Variants in ZMAT1 observed in about 807,000 individuals in gnomAD.
ZMAT1 encodes zinc finger matrin-type protein 1.
ZMAT1 carries 11 observed loss-of-function variants against 18.5 expected under a neutral mutation model. The observed-to-expected ratio is 0.59, with a 90% confidence interval of 0.37 to 0.98. ZMAT1 has a LOEUF of 0.98. Ranked by LOEUF, ZMAT1 falls within the 50% of genes least tolerant of loss-of-function variation. The pLI is 0.01. For synonymous variants in ZMAT1, 211 were observed against 176.4 expected, an observed-to-expected ratio of 1.20 and a Z score of -1.55; for missense variants, 525 against 496.2, an observed-to-expected ratio of 1.06 and a Z score of -0.55.
chrX:101,897,854 G>A lies in ZMAT1; in HGVS notation c.676+14C>T, dbSNP rs377126814. ...GATCCTGCATTGAAGATCAAGAGGTGAATGGAACCTTACCCATCTCTGGTT... is the reference window on the plus strand; with the variant it reads ...GATCCTGCATTGAAGATCAAGAGGTAAATGGAACCTTACCCATCTCTGGTT... On this transcript the variant is annotated intron_variant, in intron 4 of 5. Coordinates refer to ENST00000651725, the MANE Select transcript of ZMAT1 (RefSeq NM_001394560.1). 5 of 1,201,371 alleles carry A rather than the reference G, an allele frequency of 4.2e-6. No individual in the cohort carries two copies. In the African/African-American group the frequency reaches 8.8e-5, roughly 21 times the overall value.
intron 2 of ZMAT1, among the ~76,000 whole-genome samples, chrX:101,901,593 A>C (rs1189682786): frequency 9.0e-6 from 1 of 111,562 alleles, no homozygotes; most frequent in Non-Finnish European, 1.9e-5. Context: ...AAGAGGTAAA[A>C]TTTTACAGAT....
intron 4 of ZMAT1, among the ~76,000 whole-genome samples, chrX:101,891,875 T>G (rs890502842): frequency 4.5e-5 from 5 of 110,879 alleles, no homozygotes; most frequent in African/African-American, 1.6e-4. Context: ...AAATAATAAG[T>G]GGAGACAGTA....
rs1175464785 is a variant in ZMAT1, at chrX:101,900,843, ATGG to A, written c.400-2626_400-2624del. On this transcript the variant is annotated intron_variant, in intron 2 of 5. Coordinates refer to ENST00000651725, the MANE Select transcript of ZMAT1 (RefSeq NM_001394560.1). The stretch of plus-strand genomic sequence containing the variant: ...GTTTTTTATAATTCCGTGAAGAATG[ATGG>A]TGGTATTTTGATGGGGATTGCACTG... Among the ~76,000 whole-genome samples, 7 of 111,336 alleles carry A rather than the reference ATGG, an allele frequency of 6.3e-5. No homozygotes were observed. The East Asian group carries it at 2.0e-3, about 31-fold the overall frequency.
At position 101,904,278 on chromosome X, in the gene ZMAT1, A is replaced by G. The variant is rs1386168735; in HGVS notation, c.345T>C (p.Cys115=). 1 of 1,208,993 alleles carries G rather than the reference A, an allele frequency of 8.3e-7. No homozygotes were observed. Among genetic ancestry groups the G allele is most frequent in the Admixed American group, 2.2e-5 (1 of 45,593 alleles). Residue 115 remains cysteine (C), a synonymous_variant, in exon 2 of 6, where the codon TGT becomes TGC. Coordinates refer to ENST00000651725, the MANE Select transcript of ZMAT1 (RefSeq NM_001394560.1). ...EKAELFTDKF[C]QVCGVMLQFE... ...ACTGTAGCATCACTCCACATACTTGACAAAACTTATCTGTAAAAAGTTCAG... is the reference window on the plus strand; with the variant it reads ...ACTGTAGCATCACTCCACATACTTGGCAAAACTTATCTGTAAAAAGTTCAG...
At chrX:101,901,996 G>T (rs1200894909) in intron 2 of ZMAT1, among the ~76,000 whole-genome samples, 1 of 111,815 alleles carries the variant, frequency 8.9e-6, no homozygotes, top group Non-Finnish European at 1.9e-5. Context: ...ATGTTCAAAA[G>T]TTCCTTTAGA....
chrX:101,883,850 T>C lies in ZMAT1; in HGVS notation c.1748A>G (p.Asn583Ser), dbSNP rs772750912. The part of the protein sequence containing the change: ...EVYKHLSSEN[N>S]TADHQAGHKR... ...ATGACCTGCTTGATGGTCAGCAGTA[T>C]TGTTTTCTGAAGAGAGGTGCTTGTA... is the stretch of plus-strand genomic sequence containing the variant. Residue 583 changes from asparagine to serine, a missense_variant, in exon 6 of 6, where the codon AAT becomes AGT. By Grantham distance (46) the Asn-to-Ser change is conservative. Transcript: ENST00000651725. 8 of 1,208,431 alleles carry C rather than the reference T, an allele frequency of 6.6e-6. No homozygotes were observed. The highest frequency in any genetic ancestry group is 7.8e-6 in the Non-Finnish European group (7 of 894,722).
rs1055030753 is a variant in ZMAT1 at position 101,909,470 on chromosome X, G to T, written c.293-5140C>A. 4.5e-5 allele frequency among the ~76,000 whole-genome samples: 5 copies of T among 111,899 alleles called. No individual in the cohort carries two copies. The East Asian group carries it at 1.4e-3, about 32-fold the overall frequency. ...GGGTAGGGCATCAAGCGGGCTCCTGGGGTCCCTGATTCTAGAGTTGACTGT... is the reference window on the plus strand; with the variant it reads ...GGGTAGGGCATCAAGCGGGCTCCTGTGGTCCCTGATTCTAGAGTTGACTGT... On this transcript the variant is annotated intron_variant, in intron 1 of 5. Coordinates refer to ENST00000651725, the MANE Select transcript of ZMAT1 (RefSeq NM_001394560.1).
chrX:101,915,209 C>T (rs1209136221), intron 1 of ZMAT1, among the ~76,000 whole-genome samples: 1 of 111,441 alleles, frequency 9.0e-6, no homozygotes, highest in Non-Finnish European at 1.9e-5. Context: ...CCTTATACTA[C>T]AGACCCACAG....
At chrX:101,907,916 G>C (rs1176707130) in intron 1 of ZMAT1, among the ~76,000 whole-genome samples, 1 of 111,388 alleles carries the variant, frequency 9.0e-6, no homozygotes, top group Non-Finnish European at 1.9e-5. Context: ...AAACAGAGCA[G>C]GAGTACCTAT....
At position 101,931,702 on chromosome X, in the gene ZMAT1, G is replaced by A. The variant is rs1160299609; in HGVS notation, c.292+15C>T. On this transcript the variant is annotated intron_variant, in intron 1 of 5. Transcript: ENST00000651725. ...GGAGATGGGGCCGCCCCCGCACCCCGGGACGGGAACTCACCTTCTCTGAGG... is the reference window on the plus strand; with the variant it reads ...GGAGATGGGGCCGCCCCCGCACCCCAGGACGGGAACTCACCTTCTCTGAGG... 12 of 756,973 alleles carry A rather than the reference G, an allele frequency of 1.6e-5. No individual in the cohort carries two copies. The highest frequency in any genetic ancestry group is 2.3e-5 in the African/African-American group (1 of 43,458). 62.4% of individuals were successfully genotyped at this position (756,973 alleles called of 1,213,427 possible). A position where few individuals can be genotyped will look rare whatever the true frequency, so the allele number is the denominator to read the frequency against.
chrX:101,911,666 T>G, intron 1 of ZMAT1: 1 of 1,206,771 alleles, frequency 8.3e-7, no homozygotes. Context: ...GCCCTACGAA[T>G]GCAACCAGTG....
chrX:101,890,016 CCTATT>C (rs952770227), intron 4 of ZMAT1: 10 of 111,941 alleles, frequency 8.9e-5, no homozygotes, highest in Non-Finnish European at 1.7e-4. Context: ...TTGTTACAAA[CCTATT>C]CTGTGATGGG....
chrX:101,907,549 T>C (rs1032900904), intron 1 of ZMAT1, among the ~76,000 whole-genome samples: 3 of 112,199 alleles, frequency 2.7e-5, no homozygotes, highest in African/African-American at 9.7e-5. Context: ...CCAAGAGACA[T>C]AGCACCACCA....
chrX:101,888,011 G>C (rs768131663), intron 4 of ZMAT1: 2 of 111,353 alleles, frequency 1.8e-5, no homozygotes, highest in Non-Finnish European at 3.8e-5. Context: ...AGACTTCTTT[G>C]ATAAAAATCA....
intron 1 of ZMAT1, chrX:101,918,722 T>G (rs955523802): frequency 2.7e-5 from 3 of 111,569 alleles, no homozygotes; most frequent in Admixed American, 9.5e-5. Context: ...ACCATTTCTT[T>G]TAAGGAAACA....
chrX:101,887,006 C>T (rs1927007481), intron 4 of ZMAT1: 3 of 195,243 alleles, frequency 1.5e-5, no homozygotes, highest in Admixed American at 1.4e-4. Context: ...TAAGAATCTG[C>T]TATCTGTCTA....
chrX:101,890,727 C>T (rs1025318496), intron 4 of ZMAT1, among the ~76,000 whole-genome samples: 3 of 110,355 alleles, frequency 2.7e-5, no homozygotes, highest in South Asian at 3.9e-4. Flanking sequence ...CAGCATAATA[C>T]GGGGGTCTGA....
chrX:101,882,344 T>G lies in ZMAT1; in HGVS notation c.*1166A>C, dbSNP rs1222002353. 1 of 111,908 alleles carries G rather than the reference T, an allele frequency of 8.9e-6. No homozygotes were observed. The highest frequency in any genetic ancestry group is 1.9e-5 in the Non-Finnish European group (1 of 53,002). The allele number at this position is 111,908 out of a possible 1,213,427, so 9.2% of individuals were successfully genotyped here. ...TTCCAGAATATAGACTGACCTTATATCAGTACTTTTTGAGACCGTTTTAAA... is the reference window on the plus strand; with the variant it reads ...TTCCAGAATATAGACTGACCTTATAGCAGTACTTTTTGAGACCGTTTTAAA... On this transcript the variant is annotated 3_prime_UTR_variant, in exon 6 of 6. Coordinates refer to ENST00000651725, the MANE Select transcript of ZMAT1 (RefSeq NM_001394560.1).
intron 1 of ZMAT1, among the ~76,000 whole-genome samples, chrX:101,923,684 G>A (rs952363509): frequency 8.9e-6 from 1 of 111,749 alleles, no homozygotes; most frequent in South Asian, 3.7e-4. Context: ...ATTACCAAGT[G>A]TAATATTTTA....
Sources: allele counts gnomAD v4.1 joint callset (sites outside exome capture counted in the v4.1 genomes callset), GRCh38; gene constraint gnomAD v4.1.1; transcripts MANE v1.5; gene names NCBI Gene and HGNC (gene_info 2026-07-23, HGNC 2026-07-21).